Variants in ACYP2 observed in about 807,000 individuals in gnomAD.
ACYP2 encodes the protein acylphosphatase-2.
ACYP2 carries 12 observed loss-of-function variants against 11.2 expected under a neutral mutation model. The observed-to-expected ratio is 1.08, with a 90% CI of 0.69 to 1.74. The LOEUF (loss-of-function observed/expected upper bound fraction) is 1.74. Among genes scored for constraint, ACYP2 ranks in the 40% most tolerant of loss-of-function variants. The pLI, the probability that ACYP2 is intolerant of heterozygous loss-of-function variation, is 0.00. For missense variants in ACYP2, 134 were observed against 101.9 expected (o/e 1.31, Z -1.35); for synonymous variants, 43 against 32.2 (o/e 1.33, Z -1.13).
At chr2:54,103,847 T>C (rs1241018606) in intron 4 of ACYP2, among the ~76,000 whole-genome samples, 1 of 152,238 alleles carries the variant, frequency 6.6e-6, no homozygotes, top group African/African-American at 2.4e-5. Flanking sequence ...GATGTTGCTC[T>C]GTAGCCAAAT....
At chr2:54,109,992 A>C (rs1160734378) in intron 4 of ACYP2, among the ~76,000 whole-genome samples, 1 of 152,186 alleles carries the variant, frequency 6.6e-6, no homozygotes, top group Non-Finnish European at 1.5e-5. Flanking sequence ...TCTAGTCATC[A>C]GGTCTCCTTA....
intron 6 of ACYP2, among the ~76,000 whole-genome samples, chr2:54,170,680 T>C (rs1683187717): frequency 6.6e-6 from 1 of 151,830 alleles, no homozygotes; most frequent in Non-Finnish European, 1.5e-5. Flanking sequence ...AATATGACTT[T>C]GGGATTGTAA....
intron 4 of ACYP2, among the ~76,000 whole-genome samples, chr2:54,086,965 C>G (rs1677980049): frequency 6.6e-6 from 1 of 152,132 alleles, no homozygotes; most frequent in Non-Finnish European, 1.5e-5. Flanking sequence ...AAACATTATG[C>G]CATAGGATAC....
intron 6 of ACYP2, among the ~76,000 whole-genome samples, chr2:54,162,929 G>T (rs1028223368): frequency 1.3e-5 from 2 of 152,126 alleles, no homozygotes; most frequent in African/African-American, 4.8e-5. Flanking sequence ...TCAAGGCTGC[G>T]GTGAATCGTG....
intron 4 of ACYP2, among the ~76,000 whole-genome samples, chr2:54,098,535 A>G (rs1572748601): frequency 6.6e-6 from 1 of 152,274 alleles, no homozygotes; most frequent in East Asian, 1.9e-4. Flanking sequence ...CTCCCGAGGC[A>G]ACTTCTTTGA....
At position 54,272,153 on chromosome 2, in the gene ACYP2, A is replaced by AATTATTAAATATCAGTGTTG. The variant is rs532399047; in HGVS notation, c.405-32533_405-32514dup. 7.2e-5 allele frequency among the ~76,000 whole-genome samples: 11 copies of AATTATTAAATATCAGTGTTG among 152,338 alleles called. No individual in the cohort carries two copies. In the East Asian group the frequency reaches 2.1e-3, roughly 29 times the overall value. On this transcript the variant is annotated intron_variant, in intron 6 of 6. Transcript: ENST00000607452. ...CTGAGAACAAGCCTACCAAGTATAC[A>AATTATTAAATATCAGTGTTG]ATTATTAAATATCAGTGTTGAGGAA...
At chr2:54,014,664 G>C (rs950860526) in intron 2 of ACYP2, among the ~76,000 whole-genome samples, 3 of 152,056 alleles carry the variant, frequency 2.0e-5, no homozygotes, top group African/African-American at 7.2e-5. Context: ...ATTTCAGCTG[G>C]TTGAGTGAGA....
chr2:54,027,708 T>C (rs915799139), intron 2 of ACYP2, among the ~76,000 whole-genome samples: 1 of 152,188 alleles, frequency 6.6e-6, no homozygotes, highest in Non-Finnish European at 1.5e-5. Flanking sequence ...CCAATATTGA[T>C]ACATTATTGT....
rs573728059 is a variant in ACYP2 at position 54,120,667 on chromosome 2, C to G, written c.278-14786C>G. 1.6e-3 allele frequency among the ~76,000 whole-genome samples: 238 copies of G among 152,306 alleles called. 1 individual carries two copies. Among genetic ancestry groups the G allele is most frequent in the Non-Finnish European group, 2.5e-3 (172 of 68,036 alleles). Reference sequence around the variant, plus strand: ...CTTGGGCCCACTGGGCTTACTCTGCCCACTTGGCCCAGCAGACTGCGCTCA... The same window carrying G: ...CTTGGGCCCACTGGGCTTACTCTGCGCACTTGGCCCAGCAGACTGCGCTCA... On this transcript the variant is annotated intron_variant, in intron 4 of 6. Transcript: ENST00000607452.
chr2:54,121,449 C>T (rs558616645), intron 4 of ACYP2, among the ~76,000 whole-genome samples: 6 of 152,158 alleles, frequency 3.9e-5, no homozygotes, highest in African/African-American at 1.4e-4. Flanking sequence ...GAGACCTGTC[C>T]CTGTCTACCG....
intron 6 of ACYP2, among the ~76,000 whole-genome samples, chr2:54,216,721 G>C (rs1685575269): frequency 6.6e-6 from 1 of 152,086 alleles, no homozygotes; most frequent in Admixed American, 6.6e-5. Context: ...TATTTTGGTA[G>C]AGATGGGGTT....
intron 4 of ACYP2, among the ~76,000 whole-genome samples, chr2:54,095,748 C>T (rs1419214093): frequency 1.3e-4 from 17 of 126,294 alleles, no homozygotes; most frequent in Non-Finnish European, 2.4e-4. Context: ...GGCAGAGGCG[C>T]CCCTCACCTC....
chr2:54,265,897 T>C (rs546302959), intron 6 of ACYP2, among the ~76,000 whole-genome samples: 1 of 152,350 alleles, frequency 6.6e-6, no homozygotes, highest in Non-Finnish European at 1.5e-5. Flanking sequence ...ATATTGGCTC[T>C]CATTATTTTT....
intron 6 of ACYP2, among the ~76,000 whole-genome samples, chr2:54,249,703 G>T (rs1477647376): frequency 1.3e-5 from 2 of 152,016 alleles, no homozygotes; most frequent in Non-Finnish European, 2.9e-5. Flanking sequence ...AGCACTCTGA[G>T]GCCATGGCAG....
At chr2:54,132,505 A>G (rs556617194) in intron 4 of ACYP2, among the ~76,000 whole-genome samples, 4 of 152,046 alleles carry the variant, frequency 2.6e-5, no homozygotes, top group Non-Finnish European at 4.4e-5. Flanking sequence ...GTATACTACC[A>G]TCAGGAAACT....
chr2:54,064,720 G>T (rs1676648762), intron 4 of ACYP2, among the ~76,000 whole-genome samples: 1 of 152,178 alleles, frequency 6.6e-6, no homozygotes, highest in Non-Finnish European at 1.5e-5. Context: ...CAAGAATGAT[G>T]CGGAGGCAGT....
rs368436146 is a variant in ACYP2, at chr2:54,165,527, T to A, written c.404+26779T>A. On this transcript the variant is annotated intron_variant, in intron 6 of 6. Coordinates refer to ENST00000607452, the MANE Select transcript of ACYP2 (RefSeq NM_001320586.2). ...CTCTCTCTCTTTCACTCTCTCTCTC[T>A]CTCTCTCTCACACACACACACACAC... Among the ~76,000 whole-genome samples the A allele has an allele frequency of 1.0e-2, 1,405 of 140,684 alleles. 22 individuals carry two copies. Among genetic ancestry groups the A allele is most frequent in the African/African-American group, 0.037 (1,288 of 34,758 alleles). The allele number at this position is 140,684 out of a possible 152,430, so 92.3% of individuals were successfully genotyped here.
chr2:53,972,932 T>A (rs1399193630), intron 1 of ACYP2, among the ~76,000 whole-genome samples: 1 of 152,184 alleles, frequency 6.6e-6, no homozygotes, highest in African/African-American at 2.4e-5. Flanking sequence ...GAGATGCAGA[T>A]TAGCGTGTAG....
chr2:54,109,110 T>C (rs1029425289), intron 4 of ACYP2, among the ~76,000 whole-genome samples: 3 of 152,328 alleles, frequency 2.0e-5, no homozygotes, highest in Non-Finnish European at 2.9e-5. Flanking sequence ...TTAAATTATA[T>C]GCCCACAATT....
Sources: allele counts gnomAD v4.1 joint callset (sites outside exome capture counted in the v4.1 genomes callset), GRCh38; gene constraint gnomAD v4.1.1; transcripts MANE v1.5; gene names NCBI Gene and HGNC (gene_info 2026-07-23, HGNC 2026-07-21).